SCAF4: variants seen among roughly 807,000 people sequenced by gnomAD.
The protein encoded by SCAF4 is SR-related and CTD-associated factor 4.
SCAF4 carries 25 observed loss-of-function variants against 129.8 expected under a neutral mutation model. That is an observed-to-expected ratio of 0.19 (90% confidence interval 0.14 to 0.27). The LOEUF (loss-of-function observed/expected upper bound fraction) is 0.27. SCAF4 is among the 10% of genes least tolerant of loss of function. The probability of loss-of-function intolerance (pLI) is 1.00; values close to 1 mark genes in which losing one functional copy is unlikely to be tolerated. For synonymous variants in SCAF4, 551 were observed against 497.7 expected, an observed-to-expected ratio of 1.11 and a Z score of -1.43; for missense variants, 1,246 against 1,457.1, an observed-to-expected ratio of 0.86 and a Z score of 2.36.
Position 31,671,985 on chromosome 21 carries a change from G to A in SCAF4, c.2858C>T (p.Pro953Leu), listed in dbSNP as rs773825483. Reference protein sequence around the residue: ...PPQQPQQQPQPQAPQQPQQQQ... With the variant: ...PPQQPQQQPQLQAPQQPQQQQ... ...CTGCTGTGGTTGCTGGGGCGCCTGC[G>A]GCTGTGGCTGCTGCTGTGGCTGCTG... The change falls in exon 20 of 20, where the codon CCG becomes CTG. Residue 953 changes from proline to leucine, a missense_variant. Pro to Leu is a moderately conservative substitution (Grantham distance 98). Transcript: ENST00000286835. 25 of 1,611,178 alleles carry A rather than the reference G, an allele frequency of 1.6e-5. No homozygotes were observed. The highest frequency in any genetic ancestry group is 1.9e-5 in the Non-Finnish European group (22 of 1,177,950).
intron 14 of SCAF4, 124 bp from the exon 15 acceptor site, chr21:31,691,077 G>T: frequency 1.5e-6 from 1 of 658,070 alleles, no homozygotes; most frequent in Non-Finnish European, 2.5e-6. Flanking sequence ...GGACCAGCTA[G>T]GCTTGGATCT....
intron 19 of SCAF4, among the ~76,000 whole-genome samples, chr21:31,675,306 CTA>C (rs1339694786): frequency 1.3e-5 from 2 of 152,130 alleles, no homozygotes; most frequent in Non-Finnish European, 2.9e-5. Flanking sequence ...ATAAATGATT[CTA>C]TGATTGTTTT....
intron 1 of SCAF4, among the ~76,000 whole-genome samples, chr21:31,721,958 G>A (rs2051080086): frequency 6.6e-6 from 1 of 151,920 alleles, no homozygotes; most frequent in Non-Finnish European, 1.5e-5. Context: ...GACCTCAGAT[G>A]ATCCACCCAC....
chr21:31,704,126 T>A (rs564231838), intron 3 of SCAF4, among the ~76,000 whole-genome samples, 200 bp from the exon 4 acceptor site: 78 of 152,200 alleles, frequency 5.1e-4, no homozygotes, highest in African/African-American at 1.9e-3. Flanking sequence ...CTCTTGATAC[T>A]ACTGACCCCC....
intron 2 of SCAF4, 140 bp downstream of exon 2, chr21:31,706,134 C>T (rs2050656750): frequency 6.1e-6 from 4 of 655,524 alleles, no homozygotes; most frequent in Non-Finnish European, 1.1e-5. Flanking sequence ...GCACGCTTAT[C>T]ATGTACCTTC....
At chr21:31,715,567 G>T (rs577392930) in intron 1 of SCAF4, among the ~76,000 whole-genome samples, 1 of 152,104 alleles carries the variant, frequency 6.6e-6, no homozygotes, top group African/African-American at 2.4e-5. Context: ...ATCAAAACTA[G>T]ATCTTCACAT....
At chr21:31,713,271 C>CA (rs1476496826) in intron 1 of SCAF4, among the ~76,000 whole-genome samples, 3 of 152,164 alleles carry the variant, frequency 2.0e-5, no homozygotes, top group Admixed American at 6.5e-5. Context: ...GTTAGAATAA[C>CA]GGTAAGTGCA....
At chr21:31,709,196 G>A (rs979899745) in intron 1 of SCAF4, among the ~76,000 whole-genome samples, 24 of 152,030 alleles carry the variant, frequency 1.6e-4, no homozygotes, top group African/African-American at 5.8e-4. Context: ...GGGGGTGGGG[G>A]GGAGCGTCTA....
chr21:31,719,794 G>A (rs768118735), intron 1 of SCAF4, among the ~76,000 whole-genome samples: 2 of 152,092 alleles, frequency 1.3e-5, no homozygotes, highest in Non-Finnish European at 2.9e-5. Flanking sequence ...GTGAGCCACC[G>A]CGCCTGGCCA....
At chr21:31,731,550 C>A in intron 1 of SCAF4, 113 bp downstream of exon 1, 1 of 1,294,838 alleles carries the variant, frequency 7.7e-7, no homozygotes, top group East Asian at 2.8e-5. Flanking sequence ...GCCCCGGAAC[C>A]GGGGCAGGAA....
intron 7 of SCAF4, among the ~76,000 whole-genome samples, chr21:31,698,584 TTTTTTTAGATGAGAAGGTG>T (rs1485812359): frequency 6.6e-6 from 1 of 152,116 alleles, no homozygotes; most frequent in African/African-American, 2.4e-5. Context: ...TGTGAAGGTG[TTTTTTTAGATGAGAAGGTG>T]TTTTTTAGAT....
chr21:31,677,432 C>G (rs1360927882), intron 19 of SCAF4, among the ~76,000 whole-genome samples: 2 of 152,186 alleles, frequency 1.3e-5, no homozygotes, highest in Non-Finnish European at 2.9e-5. Context: ...TGTTTTTCTC[C>G]TCTATAGCAA....
intron 16 of SCAF4, among the ~76,000 whole-genome samples, chr21:31,687,148 G>T (rs1454184693): frequency 6.6e-6 from 1 of 152,178 alleles, no homozygotes; most frequent in East Asian, 1.9e-4. Flanking sequence ...TTTCATGATA[G>T]CTCAGATTTA....
rs2050302756 is a variant in SCAF4, at chr21:31,693,279, TA to T, written c.1513+14del. ...AAAAATAGTACATGAGGTTTGAATATAAAGGTTGAGTTACCACTTGCAGTTT... is the reference window on the plus strand; with the variant it reads ...AAAAATAGTACATGAGGTTTGAATATAAGGTTGAGTTACCACTTGCAGTTT... On this transcript the variant is annotated intron_variant, in intron 12 of 19. Transcript: ENST00000286835. 1 of 1,441,944 alleles carries T rather than the reference TA, an allele frequency of 6.9e-7. No individual in the cohort carries two copies. Among genetic ancestry groups the T allele is most frequent in the South Asian group, 1.5e-5 (1 of 66,788 alleles). The allele number at this position is 1,441,944 out of a possible 1,614,324, so 89.3% of individuals were successfully genotyped here.
chr21:31,703,143 A>C (rs1273462604), intron 4 of SCAF4, among the ~76,000 whole-genome samples: 1 of 151,986 alleles, frequency 6.6e-6, no homozygotes, highest in African/African-American at 2.4e-5. Flanking sequence ...TAGTATCTCT[A>C]TATGTTGGGG....
At chr21:31,700,917 G>T in intron 7 of SCAF4, 78 bp downstream of exon 7, 1 of 1,388,824 alleles carries the variant, frequency 7.2e-7, no homozygotes, top group Non-Finnish European at 1.0e-6. Flanking sequence ...ATCCACAGAA[G>T]GGATACAGAA....
chr21:31,723,340 T>C (rs1200662992), intron 1 of SCAF4, among the ~76,000 whole-genome samples: 1 of 151,842 alleles, frequency 6.6e-6, no homozygotes, highest in Non-Finnish European at 1.5e-5. Flanking sequence ...TAATCTCAGC[T>C]ACTAGGCAGG....
chr21:31,690,684 A>G lies in SCAF4; in HGVS notation c.1885+113T>C, dbSNP rs1044806437. The G allele has an allele frequency of 1.6e-5, 14 of 857,564 alleles. No individual in the cohort carries two copies. The South Asian group carries it at 2.3e-4, about 14-fold the overall frequency. The allele number at this position is 857,564 out of a possible 1,614,324, so 53.1% of individuals were successfully genotyped here. A position where few individuals can be genotyped will look rare whatever the true frequency, so the allele number is the denominator to read the frequency against. On this transcript the variant is annotated intron_variant, in intron 15 of 19. Coordinates refer to ENST00000286835, the MANE Select transcript of SCAF4 (RefSeq NM_020706.2). The stretch of plus-strand genomic sequence containing the variant: ...TAATGGAGATACTGACACAGGAGGG[A>G]TCCTAAAAAATCTCAAAAATCACGT...
intron 7 of SCAF4, among the ~76,000 whole-genome samples, chr21:31,698,731 TCAGCAGTG>T (rs147284554): frequency 0.019 from 2,896 of 152,324 alleles, 51 homozygotes; most frequent in Non-Finnish European, 0.03. Context: ...GGAATTATCC[TCAGCAGTG>T]CAACAGAGAA....
Sources: gnomAD v4.1 joint callset for allele counts (sites outside exome capture counted in the v4.1 genomes callset) on GRCh38, gnomAD v4.1.1 for gene constraint, MANE v1.5 for transcripts, NCBI Gene and HGNC (gene_info 2026-07-23, HGNC 2026-07-21) for gene names.